SERPINB8: variants seen among roughly 807,000 people sequenced by gnomAD.
SERPINB8 encodes the protein serpin family B member 8.
In SERPINB8, 25 loss-of-function variants were observed where a neutral mutation model predicts 35.3. The observed-to-expected ratio is 0.71, with a 90% CI of 0.52 to 0.99. SERPINB8 has a LOEUF of 0.99. Ranked by LOEUF, SERPINB8 falls within the 50% of genes least tolerant of loss-of-function variation. The pLI is 0.00. For synonymous variants in SERPINB8, 186 were observed against 160.8 expected (o/e 1.16, Z -1.19); for missense variants, 484 against 446.5 (o/e 1.08, Z -0.76).
At chr18:63,986,237 T>C in intron 6 of SERPINB8, 1 of 1,610,070 alleles carries the variant, frequency 6.2e-7, no homozygotes, top group Non-Finnish European at 8.5e-7. Flanking sequence ...CCTTTTTTCT[T>C]TCTACCTTAT....
chr18:63,981,238 C>T (rs969441885), intron 3 of SERPINB8, among the ~76,000 whole-genome samples: 15 of 152,220 alleles, frequency 9.9e-5, no homozygotes, highest in African/African-American at 3.1e-4. Context: ...CCATATGACC[C>T]AGATCTAAAA....
downstream of SERPINB8, among the ~76,000 whole-genome samples, chr18:63,990,071 G>GTTTTTTTTT (rs747683579): frequency 8.6e-6 from 1 of 116,078 alleles, no homozygotes; most frequent in African/African-American, 3.1e-5. Flanking sequence ...TTGTTTTCGT[G>GTTTTTTTTT]TTTTTTTTTT....
downstream of SERPINB8, among the ~76,000 whole-genome samples, chr18:64,007,640 A>G (rs1599169509): frequency 6.6e-6 from 1 of 152,328 alleles, no homozygotes; most frequent in East Asian, 1.9e-4. Context: ...ACTTAAAATC[A>G]TGGCGAAAGG....
Position 63,987,295 on chromosome 18 carries a change from T to C in SERPINB8, c.*17T>C. 1 of 1,590,420 alleles carries C rather than the reference T, an allele frequency of 6.3e-7. No individual in the cohort carries two copies. Among genetic ancestry groups the C allele is most frequent in the Non-Finnish European group, 8.6e-7 (1 of 1,166,856 alleles). On this transcript the variant is annotated 3_prime_UTR_variant, in exon 7 of 7. Transcript: ENST00000397985. Reference sequence around the variant, plus strand: ...TCTCCGTAAAGAGGAGCAATTGCTGTACATACCCTCCTTTCCTTCTACCTA... The same window carrying C: ...TCTCCGTAAAGAGGAGCAATTGCTGCACATACCCTCCTTTCCTTCTACCTA...
Position 63,986,860 on chromosome 18 carries a change from C to A in SERPINB8, c.721-14C>A. The A allele has an allele frequency of 6.3e-7, 1 of 1,585,126 alleles. No homozygotes were observed. Among genetic ancestry groups the A allele is most frequent in the South Asian group, 1.2e-5 (1 of 85,122 alleles). On this transcript the variant is annotated splice_polypyrimidine_tract_variant and intron_variant, in intron 6 of 6. Transcript: ENST00000397985. The stretch of plus-strand genomic sequence containing the variant: ...GTCATCTAAATTTTAAGGTTTGAGT[C>A]TTTCTTATCCTAGGTGGAAAAAGCA...
intron 1 of SERPINB8, among the ~76,000 whole-genome samples, chr18:64,000,515 A>G (rs2050869209): frequency 6.6e-6 from 1 of 152,158 alleles, no homozygotes; most frequent in Non-Finnish European, 1.5e-5. Context: ...ACCAGACTTC[A>G]TAGCTAGTGC....
chr18:63,986,984 T>C lies in SERPINB8; in HGVS notation c.831T>C (p.Tyr277=). 1 of 1,614,250 alleles carries C rather than the reference T, an allele frequency of 6.2e-7. No individual in the cohort carries two copies. Among genetic ancestry groups the C allele is most frequent in the Non-Finnish European group, 8.5e-7 (1 of 1,180,046 alleles). ...FLPRLKLEES[Y]DLEPFLRRLG... Reference sequence around the variant, plus strand: ...CCAGATTAAAGCTGGAGGAGAGTTATGACTTGGAGCCTTTCCTTCGAAGAT... The same window carrying C: ...CCAGATTAAAGCTGGAGGAGAGTTACGACTTGGAGCCTTTCCTTCGAAGAT... Residue 277 remains tyrosine (Y), a synonymous_variant, in exon 7 of 7, where the codon TAT becomes TAC. Transcript: ENST00000397985.
chr18:64,003,828 A>C (rs1168597171), intron 1 of SERPINB8, among the ~76,000 whole-genome samples: 1 of 152,144 alleles, frequency 6.6e-6, no homozygotes, highest in East Asian at 1.9e-4. Context: ...GGCCACCCAC[A>C]TTAAGGAGGG....
Position 63,978,437 on chromosome 18 carries a change from C to T in SERPINB8, c.129C>T (p.Phe43=). ...MSISSALAMV[F]MGAKGSTAAQ... ...TCTCCTCTGCCCTGGCCATGGTCTT[C>T]ATGGGGGCAAAGGGAAGCACTGCAG... The change falls in exon 2 of 7, where the codon TTC becomes TTT. Residue 43 remains phenylalanine, a synonymous_variant. Coordinates refer to ENST00000397985, the MANE Select transcript of SERPINB8 (RefSeq NM_002640.4). 6.2e-7 allele frequency: 1 copy of T among 1,614,222 alleles called. No homozygotes were observed. Among genetic ancestry groups the T allele is most frequent in the Non-Finnish European group, 8.5e-7 (1 of 1,180,040 alleles).
At chr18:63,972,676 T>C (rs948807909) in intron 1 of SERPINB8, among the ~76,000 whole-genome samples, 21 of 149,920 alleles carry the variant, frequency 1.4e-4, no homozygotes, top group African/African-American at 4.9e-4. Flanking sequence ...TGTGTGATTT[T>C]CCCCACCCTA....
At chr18:63,972,940 G>T (rs189668433) in intron 1 of SERPINB8, among the ~76,000 whole-genome samples, 1 of 152,120 alleles carries the variant, frequency 6.6e-6, no homozygotes. Context: ...GAATAGTGCC[G>T]CAATAAACAT....
chr18:63,992,858 G>A (rs947661230), downstream of SERPINB8, among the ~76,000 whole-genome samples: 1 of 152,120 alleles, frequency 6.6e-6, no homozygotes, highest in African/African-American at 2.4e-5. Flanking sequence ...GGTGATTGTC[G>A]GGTAATTGTC....
chr18:63,984,691 T>C (rs543045727), intron 5 of SERPINB8, among the ~76,000 whole-genome samples: 2 of 152,246 alleles, frequency 1.3e-5, no homozygotes, highest in East Asian at 3.9e-4. Context: ...CTTTCCAGAG[T>C]TTGGACCGTA....
chr18:64,002,724 C>A (rs1268557214), intron 1 of SERPINB8, among the ~76,000 whole-genome samples: 2 of 151,934 alleles, frequency 1.3e-5, no homozygotes, highest in African/African-American at 4.8e-5. Context: ...GGGGAAGGGG[C>A]GTCGGCCGAC....
chr18:63,975,571 T>C (rs918203224), intron 1 of SERPINB8, among the ~76,000 whole-genome samples: 2 of 152,208 alleles, frequency 1.3e-5, no homozygotes, highest in Non-Finnish European at 2.9e-5. Context: ...TTTTACTTAG[T>C]TTTCTGAACC....
At chr18:64,002,862 C>T (rs2050882597) in intron 1 of SERPINB8, among the ~76,000 whole-genome samples, 1 of 152,172 alleles carries the variant, frequency 6.6e-6, no homozygotes, top group Admixed American at 6.5e-5. Flanking sequence ...CTGTGGTCGC[C>T]GCCGCCTGCG....
chr18:63,979,450 A>T (rs1278999313), intron 2 of SERPINB8, among the ~76,000 whole-genome samples: 1 of 152,078 alleles, frequency 6.6e-6, no homozygotes, highest in Non-Finnish European at 1.5e-5. Flanking sequence ...AGTGGTTCTC[A>T]CCTGGTGGGT....
intron 1 of SERPINB8, chr18:63,970,545 G>C (rs2144775480): frequency 6.5e-6 from 1 of 152,842 alleles, no homozygotes; most frequent in East Asian, 1.9e-4. Context: ...TGCCGGATGG[G>C]AGCGGGGGGT....
intron 6 of SERPINB8, 25 bp downstream of exon 6, chr18:63,985,270 G>A: frequency 6.2e-7 from 1 of 1,612,882 alleles, no homozygotes. Context: ...ATGAGCCTGA[G>A]TATCTGTGGA....
Sources: allele counts gnomAD v4.1 joint callset (sites outside exome capture counted in the v4.1 genomes callset), GRCh38; gene constraint gnomAD v4.1.1; transcripts MANE v1.5; gene names NCBI Gene and HGNC (gene_info 2026-07-23, HGNC 2026-07-21).